Variants in NRXN1 observed in about 807,000 individuals in gnomAD.
NRXN1 encodes neurexin-1.
Under a neutral mutation model 150.9 loss-of-function variants are expected in NRXN1, and 39 were observed. The observed-to-expected ratio is 0.26, with a 90% confidence interval of 0.20 to 0.34. The LOEUF is 0.34. Ranked by LOEUF, NRXN1 falls within the 10% of genes least tolerant of loss-of-function variation. The pLI, the probability that NRXN1 is intolerant of heterozygous loss-of-function variation, is 1.00. For synonymous variants in NRXN1, 924 were observed against 757.0 expected (o/e 1.22, Z -3.62); for missense variants, 1,815 against 1,949.9 (o/e 0.93, Z 1.30).
intron 17 of NRXN1, among the ~76,000 whole-genome samples, chr2:50,392,766 G>T (rs1230353333): frequency 2.6e-5 from 4 of 151,922 alleles, no homozygotes; most frequent in African/African-American, 9.7e-5. Context: ...TTTTCAAATG[G>T]GTATCCTGAA....
intron 2 of NRXN1, among the ~76,000 whole-genome samples, chr2:50,937,095 G>C (rs886824204): frequency 6.6e-6 from 1 of 152,050 alleles, no homozygotes; most frequent in Non-Finnish European, 1.5e-5. Flanking sequence ...GTTTCTCAAT[G>C]CTAAATATTT....
chr2:50,421,237 G>A (rs2083973615), intron 17 of NRXN1, among the ~76,000 whole-genome samples: 1 of 151,810 alleles, frequency 6.6e-6, no homozygotes, highest in African/African-American at 2.4e-5. Flanking sequence ...AATTATTTGT[G>A]GTTTTCCACT....
intron 21 of NRXN1, among the ~76,000 whole-genome samples, chr2:50,036,051 C>T (rs774322613): frequency 1.3e-5 from 2 of 152,092 alleles, no homozygotes; most frequent in African/African-American, 4.8e-5. Flanking sequence ...GAGGAAAATG[C>T]GCAGAATAGA....
chr2:50,410,328 T>A (rs1026992431), intron 17 of NRXN1, among the ~76,000 whole-genome samples: 1 of 152,238 alleles, frequency 6.6e-6, no homozygotes, highest in African/African-American at 2.4e-5. Flanking sequence ...CTCTCCTGAA[T>A]TCCTATTGTT....
At chr2:50,690,382 C>G (rs185115967) in intron 5 of NRXN1, among the ~76,000 whole-genome samples, 1 of 152,224 alleles carries the variant, frequency 6.6e-6, no homozygotes, top group Admixed American at 6.5e-5. Context: ...AGCACGCAGA[C>G]CTTTGAAATT....
chr2:50,193,744 T>A (rs1054314790), intron 18 of NRXN1, among the ~76,000 whole-genome samples: 1 of 152,138 alleles, frequency 6.6e-6, no homozygotes, highest in African/African-American at 2.4e-5. Context: ...AAAAATGGGG[T>A]CAATTATTGG....
chr2:50,513,045 G>T (rs1027085429), intron 12 of NRXN1, among the ~76,000 whole-genome samples: 1 of 152,106 alleles, frequency 6.6e-6, no homozygotes, highest in East Asian at 1.9e-4. Flanking sequence ...GGTTGCTTAG[G>T]CTTGGGTATG....
intron 5 of NRXN1, among the ~76,000 whole-genome samples, chr2:50,809,671 G>C (rs1667957480): frequency 6.6e-6 from 1 of 152,242 alleles, no homozygotes; most frequent in East Asian, 1.9e-4. Flanking sequence ...TACTTCTGTG[G>C]ATAATCAGTT....
chr2:50,066,060 C>T (rs760679456), intron 19 of NRXN1, among the ~76,000 whole-genome samples: 8 of 152,194 alleles, frequency 5.3e-5, no homozygotes, highest in African/African-American at 9.6e-5. Context: ...TTTACAACTG[C>T]GGTTCCTACA....
rs767755063 is a variant in NRXN1 at position 50,091,507 on chromosome 2, A to C, written c.3547-13T>G. ...TTTTTCCCTGGTGCTGTAAGAGAGG[A>C]GGGGAAAAAAGAGTTGAATTAAGTT... On this transcript the variant is annotated splice_polypyrimidine_tract_variant and intron_variant, in intron 18 of 22. Transcript: ENST00000401669. 3.7e-6 allele frequency: 6 copies of C among 1,613,740 alleles called. No homozygotes were observed. The highest frequency in any genetic ancestry group is 3.3e-5 in the South Asian group (3 of 91,080).
At chr2:50,465,587 G>T in intron 16 of NRXN1, 26 bp from the exon 17 acceptor site, 1 of 1,580,392 alleles carries the variant, frequency 6.3e-7, no homozygotes, top group Non-Finnish European at 8.6e-7. Flanking sequence ...AAGGAAACTT[G>T]GGTTCTTTAA....
At chr2:50,368,581 T>A (rs1453271160) in intron 17 of NRXN1, among the ~76,000 whole-genome samples, 1 of 152,000 alleles carries the variant, frequency 6.6e-6, no homozygotes, top group African/African-American at 2.4e-5. Flanking sequence ...CATGTGCTCA[T>A]TTTAAAAGAT....
intron 5 of NRXN1, among the ~76,000 whole-genome samples, chr2:50,837,599 T>A (rs1379092647): frequency 6.6e-6 from 1 of 152,036 alleles, no homozygotes; most frequent in South Asian, 2.1e-4. Flanking sequence ...GCCCTAAGAG[T>A]GAAAAATTAA....
In NRXN1 at chr2:50,091,506, G is replaced by A; in HGVS notation, c.3547-12C>T. 1.2e-6 allele frequency: 2 copies of A among 1,613,724 alleles called. No homozygotes were observed. The highest frequency in any genetic ancestry group is 1.7e-6 in the Non-Finnish European group (2 of 1,179,834). ...ATTTTTCCCTGGTGCTGTAAGAGAG[G>A]AGGGGAAAAAAGAGTTGAATTAAGT... On this transcript the variant is annotated splice_polypyrimidine_tract_variant and intron_variant, in intron 18 of 22. Transcript: ENST00000401669.
chr2:50,681,997 G>A lies in NRXN1; in HGVS notation c.833-58382C>T, dbSNP rs2104805494. 1.3e-5 allele frequency among the ~76,000 whole-genome samples: 2 copies of A among 152,282 alleles called. 1 individual carries two copies. Among genetic ancestry groups the A allele is most frequent in the Non-Finnish European group, 2.9e-5 (2 of 68,020 alleles). The stretch of plus-strand genomic sequence containing the variant: ...ACAAAATCCACCTATCAAGGATTCT[G>A]AGGCTCAAATGAGATGGTACAGAAA... On this transcript the variant is annotated intron_variant, in intron 5 of 22. Transcript: ENST00000401669.
intron 5 of NRXN1, among the ~76,000 whole-genome samples, chr2:50,689,239 A>C (rs1000895629): frequency 2.6e-5 from 4 of 152,180 alleles, no homozygotes; most frequent in African/African-American, 4.8e-5. Flanking sequence ...TCCTTATTTT[A>C]TCTCTTCTTT....
At chr2:50,532,367 GA>G (rs2093139800) in intron 10 of NRXN1, among the ~76,000 whole-genome samples, 1 of 150,670 alleles carries the variant, frequency 6.6e-6, no homozygotes. Flanking sequence ...AAAAAAAAAA[GA>G]AATATAGCTT....
At chr2:50,662,718 T>C (rs1403502972) in intron 5 of NRXN1, among the ~76,000 whole-genome samples, 1 of 152,000 alleles carries the variant, frequency 6.6e-6, no homozygotes, top group Non-Finnish European at 1.5e-5. Flanking sequence ...GGGCATCAAG[T>C]AGTAAATCCT....
chr2:50,225,282 A>G (rs2064262696), intron 18 of NRXN1, among the ~76,000 whole-genome samples: 2 of 152,032 alleles, frequency 1.3e-5, no homozygotes, highest in South Asian at 4.1e-4. Context: ...TAAAGCAGCA[A>G]GAGTTCACTT....
Sources: allele counts gnomAD v4.1 joint callset (sites outside exome capture counted in the v4.1 genomes callset), GRCh38; gene constraint gnomAD v4.1.1; transcripts MANE v1.5; gene names NCBI Gene and HGNC (gene_info 2026-07-23, HGNC 2026-07-21).